The following MTCL2 variants were observed in gnomAD, a reference collection of about 807,000 sequenced individuals.
MTCL2 encodes the protein microtubule cross-linking factor 2.
At chr20:36,821,293 G>A in the MTCL2 span, among the ~76,000 whole-genome samples, 3 of 152,146 alleles carry the variant, frequency 2.0e-5, no homozygotes, top group Non-Finnish European at 4.4e-5. Flanking sequence ...AGGCCGAGGT[G>A]GGTGGATCAC....
the MTCL2 span, among the ~76,000 whole-genome samples, chr20:36,839,686 G>A: frequency 1.3e-5 from 2 of 152,216 alleles, no homozygotes; most frequent in Admixed American, 6.5e-5. This position sits in a 1 kb window ranked among gnomAD's most constrained non-coding sequence, Gnocchi z 5.1. Flanking sequence ...AGAAGCAGAG[G>A]CTGGAGTGAG....
the MTCL2 span, among the ~76,000 whole-genome samples, chr20:36,834,044 T>C: frequency 1.5e-4 from 23 of 150,686 alleles, no homozygotes; most frequent in Non-Finnish European, 2.8e-4. Flanking sequence ...ATGCCTGTAA[T>C]CCCAGCTACT....
the MTCL2 span, chr20:36,828,999 C>T: frequency 6.8e-7 from 1 of 1,470,550 alleles, no homozygotes; most frequent in South Asian, 1.4e-5. Context: ...CTTGGGGGGG[C>T]TTGCATGTGC....
At chr20:36,799,873 C>T in the MTCL2 span, among the ~76,000 whole-genome samples, 1 of 152,182 alleles carries the variant, frequency 6.6e-6, no homozygotes, top group African/African-American at 2.4e-5. Flanking sequence ...ATTTCCATAG[C>T]TGCCTTGCAA....
chr20:36,848,255 G>A, the MTCL2 span, among the ~76,000 whole-genome samples: 2 of 152,150 alleles, frequency 1.3e-5, no homozygotes, highest in African/African-American at 4.8e-5. Context: ...GGAACCTCCT[G>A]CTCACCCACC....
chr20:36,805,836 AG>A, the MTCL2 span: 1 of 1,590,224 alleles, frequency 6.3e-7, no homozygotes, highest in African/African-American at 1.4e-5. Flanking sequence ...AGGACCGGGA[AG>A]GGGCTGGAAA....
At chr20:36,785,407 G>A in the MTCL2 span, 1 of 984,270 alleles carries the variant, frequency 1.0e-6, no homozygotes, top group Non-Finnish European at 1.2e-6. Flanking sequence ...AATATTTATA[G>A]TAGGAAAAAT....
At chr20:36,803,250 T>TC in the MTCL2 span, 1 of 1,249,546 alleles carries the variant, frequency 8.0e-7, no homozygotes, top group Non-Finnish European at 1.1e-6. Context: ...CCCAGCTTAG[T>TC]CCTCCCCACT....
At chr20:36,815,665 C>T in the MTCL2 span, 1 of 1,607,716 alleles carries the variant, frequency 6.2e-7, no homozygotes, top group South Asian at 1.1e-5. This position sits in a 1 kb window ranked among gnomAD's most constrained non-coding sequence, Gnocchi z 5.3. Context: ...ACGCGGTTCT[C>T]GTACTGCAGC....
chr20:36,817,336 T>C, the MTCL2 span: 1 of 1,312,818 alleles, frequency 7.6e-7, no homozygotes, highest in African/African-American at 1.5e-5. Context: ...GAATCTGGGA[T>C]CCCCAGGCCA....
the MTCL2 span, among the ~76,000 whole-genome samples, chr20:36,828,133 C>G: frequency 1.3e-5 from 2 of 152,216 alleles, no homozygotes; most frequent in Non-Finnish European, 1.5e-5. Flanking sequence ...GAAGAATGCA[C>G]GATCCTCATA....
chr20:36,793,573 C>G, the MTCL2 span: 1 of 1,551,672 alleles, frequency 6.4e-7, no homozygotes. The surrounding 1 kb of genome is among the most constrained non-coding windows in gnomAD (Gnocchi z 6.8). Context: ...ACTCCGTGCT[C>G]CCTGAGTGCT....
the MTCL2 span, chr20:36,862,629 G>T: frequency 4.1e-6 from 6 of 1,481,462 alleles, no homozygotes; most frequent in South Asian, 3.8e-5. Flanking sequence ...CGACCCCTGC[G>T]ACCTCCCTTT....
At chr20:36,785,253 G>A in the MTCL2 span, 17 of 985,228 alleles carry the variant, frequency 1.7e-5, no homozygotes, top group Admixed American at 6.2e-5. Flanking sequence ...AAGCGGCCTC[G>A]TCCACCCAGG....
At chr20:36,820,036 A>G in the MTCL2 span, among the ~76,000 whole-genome samples, 1 of 152,190 alleles carries the variant, frequency 6.6e-6, no homozygotes, top group Non-Finnish European at 1.5e-5. Context: ...ATAGCATGCA[A>G]GGGGGTGCTG....
the MTCL2 span, chr20:36,802,720 TG>T: frequency 1.9e-6 from 2 of 1,079,140 alleles, no homozygotes; most frequent in East Asian, 2.6e-5. Flanking sequence ...CAGCTATACC[TG>T]AAGGAGATGG....
chr20:36,812,440 T>C, the MTCL2 span, among the ~76,000 whole-genome samples: 53 of 152,350 alleles, frequency 3.5e-4, no homozygotes, highest in Non-Finnish European at 5.9e-4. Flanking sequence ...ATTACATAAA[T>C]TGTTAAATTC....
At chr20:36,816,305 C>T in the MTCL2 span, 1 of 1,567,182 alleles carries the variant, frequency 6.4e-7, no homozygotes, top group Non-Finnish European at 8.6e-7. Context: ...CTGCACTGTC[C>T]TCCTGGGACC....
the MTCL2 span, chr20:36,794,762 G>A: frequency 2.3e-6 from 2 of 855,026 alleles, no homozygotes. This position sits in a 1 kb window ranked among gnomAD's most constrained non-coding sequence, Gnocchi z 5.4. Context: ...CATTCTGTCT[G>A]CATTTTCTTT....
Sources: allele counts gnomAD v4.1 joint callset (sites outside exome capture counted in the v4.1 genomes callset), GRCh38; gene constraint gnomAD v4.1.1; non-coding constraint Gnocchi (gnomAD v3.1); transcripts MANE v1.5; gene names NCBI Gene and HGNC (gene_info 2026-07-23, HGNC 2026-07-21).